Variants in PEX5L observed in about 807,000 individuals in gnomAD.
PEX5L encodes the protein peroxisomal biogenesis factor 5 like.
Under a neutral mutation model 84.0 loss-of-function variants are expected in PEX5L, and 30 were observed. That is an observed-to-expected ratio of 0.36 (90% CI 0.27 to 0.48). PEX5L has a LOEUF of 0.48. Among genes scored for constraint, PEX5L ranks in the 20% least tolerant of loss-of-function variants. The probability of loss-of-function intolerance (pLI) is 0.99; values close to 1 mark genes in which losing one functional copy is unlikely to be tolerated. For synonymous variants in PEX5L, 270 were observed against 283.1 expected, an observed-to-expected ratio of 0.95 and a Z score of 0.46; for missense variants, 533 against 754.6, an observed-to-expected ratio of 0.71 and a Z score of 3.44.
At chr3:179,998,301 T>G (rs1018887936) in intron 1 of PEX5L, among the ~76,000 whole-genome samples, 11 of 152,166 alleles carry the variant, frequency 7.2e-5, no homozygotes, top group African/African-American at 2.7e-4. Flanking sequence ...TCAGGCCCAT[T>G]GATTAAGTAA....
rs1289973114 is a variant in PEX5L, at chr3:179,796,618, GT to G, written c.*5209del. The G allele has an allele frequency of 6.6e-6, 1 of 152,022 alleles. No individual in the cohort carries two copies. The highest frequency in any genetic ancestry group is 1.5e-5 in the Non-Finnish European group (1 of 68,008). 9.4% of individuals were successfully genotyped at this position (152,022 alleles called of 1,614,324 possible). On this transcript the variant is annotated 3_prime_UTR_variant, in exon 15 of 15. Transcript: ENST00000467460. ...TTGAGTTCATGGTATGTGTGTGAGG[GT>G]ACCGGGGTATATGGAGTGAGTAACA...
chr3:179,958,744 T>C (rs143210808), intron 2 of PEX5L, among the ~76,000 whole-genome samples: 2 of 152,194 alleles, frequency 1.3e-5, no homozygotes, highest in African/African-American at 2.4e-5. Flanking sequence ...TTTAAGATAC[T>C]TAACTTGTCT....
At chr3:179,899,770 A>G (rs1760685863) in intron 2 of PEX5L, among the ~76,000 whole-genome samples, 1 of 152,190 alleles carries the variant, frequency 6.6e-6, no homozygotes, top group Admixed American at 6.5e-5. Context: ...TATAACTAGC[A>G]TTATTGAATT....
chr3:179,969,722 G>A (rs1056986081), intron 2 of PEX5L, among the ~76,000 whole-genome samples: 1 of 151,946 alleles, frequency 6.6e-6, no homozygotes, highest in Admixed American at 6.6e-5. Flanking sequence ...GTTTTGACAT[G>A]AATAACTCAG....
At chr3:179,926,400 C>T (rs1771468951) in intron 2 of PEX5L, among the ~76,000 whole-genome samples, 2 of 152,174 alleles carry the variant, frequency 1.3e-5, no homozygotes, top group Non-Finnish European at 2.9e-5. Flanking sequence ...GTTCTTGGAA[C>T]TTACTAAGGC....
chr3:180,013,456 A>C (rs1290827650), intron 1 of PEX5L, among the ~76,000 whole-genome samples: 2 of 152,174 alleles, frequency 1.3e-5, no homozygotes, highest in African/African-American at 2.4e-5. Context: ...CCAATGTTTT[A>C]ATCTTTAATT....
At position 179,798,229 on chromosome 3, in the gene PEX5L, T is replaced by A. The variant is rs1216061966; in HGVS notation, c.*3599A>T. ...AACGTAAGTGGACATTCCTACCCAG[T>A]TATGTTTCCTTACTTTTCTGTTCTA... is the stretch of plus-strand genomic sequence containing the variant. On this transcript the variant is annotated 3_prime_UTR_variant, in exon 15 of 15. Transcript: ENST00000467460. The A allele has an allele frequency of 6.6e-6, 1 of 152,208 alleles. No individual in the cohort carries two copies. Among genetic ancestry groups the A allele is most frequent in the Non-Finnish European group, 1.5e-5 (1 of 68,024 alleles). 9.4% of individuals were successfully genotyped at this position (152,208 alleles called of 1,614,324 possible). A position where few individuals can be genotyped will look rare whatever the true frequency, so the allele number is the denominator to read the frequency against.
chr3:179,943,192 A>T (rs1187219699), intron 2 of PEX5L, among the ~76,000 whole-genome samples: 1 of 152,262 alleles, frequency 6.6e-6, no homozygotes, highest in African/African-American at 2.4e-5. Flanking sequence ...CTGGATTTCA[A>T]GCAAGCATCT....
At chr3:179,908,469 TTA>T (rs765130840) in intron 2 of PEX5L, among the ~76,000 whole-genome samples, 3 of 152,220 alleles carry the variant, frequency 2.0e-5, no homozygotes, top group Admixed American at 6.5e-5. Flanking sequence ...TTATCTTTTT[TTA>T]TTTTATTATT....
At chr3:179,804,921 C>T (rs1213778472) in intron 14 of PEX5L, among the ~76,000 whole-genome samples, 1 of 152,094 alleles carries the variant, frequency 6.6e-6, no homozygotes, top group East Asian at 1.9e-4. Context: ...GAGTTTGAGA[C>T]AAGTCTGGCC....
intron 2 of PEX5L, among the ~76,000 whole-genome samples, chr3:179,932,168 A>C (rs1773293599): frequency 6.6e-6 from 1 of 152,194 alleles, no homozygotes; most frequent in Admixed American, 6.5e-5. Context: ...ATTTATATTT[A>C]CTGAGACTGG....
chr3:180,016,098 A>ACACCAC (rs56152525), intron 1 of PEX5L, among the ~76,000 whole-genome samples: 47 of 151,250 alleles, frequency 3.1e-4, no homozygotes, highest in Admixed American at 2.6e-4. Flanking sequence ...AAGTGCTGTA[A>ACACCAC]CACCACCACC....
At chr3:179,855,731 A>T (rs2108502131) in intron 8 of PEX5L, among the ~76,000 whole-genome samples, 1 of 152,266 alleles carries the variant, frequency 6.6e-6, no homozygotes, top group South Asian at 2.1e-4. Flanking sequence ...GTGCCCTTAC[A>T]CAAGAGGCCT....
intron 2 of PEX5L, among the ~76,000 whole-genome samples, chr3:179,922,853 T>A (rs1333231958): frequency 6.6e-6 from 1 of 152,206 alleles, no homozygotes; most frequent in East Asian, 1.9e-4. Context: ...AATTTAAAAA[T>A]CTTCATAATT....
At chr3:179,984,273 T>C (rs930521202) in intron 1 of PEX5L, among the ~76,000 whole-genome samples, 9 of 152,144 alleles carry the variant, frequency 5.9e-5, no homozygotes, top group African/African-American at 1.7e-4. Flanking sequence ...GCAGATATGA[T>C]AGTCTAATTT....
intron 1 of PEX5L, among the ~76,000 whole-genome samples, chr3:179,979,725 A>G (rs1026371270): frequency 3.3e-5 from 5 of 152,258 alleles, no homozygotes; most frequent in African/African-American, 1.2e-4. Context: ...TCTGAGAAAA[A>G]TAACAAATAA....
In PEX5L at chr3:180,036,613, C is replaced by A. The variant is rs576740583; in HGVS notation, c.-14G>T. The A allele has an allele frequency of 6.2e-7, 1 of 1,614,134 alleles. No homozygotes were observed. Among genetic ancestry groups the A allele is most frequent in the Admixed American group, 1.7e-5 (1 of 60,028 alleles). On this transcript the variant is annotated 5_prime_UTR_variant, in exon 1 of 15. Coordinates refer to ENST00000467460, the MANE Select transcript of PEX5L (RefSeq NM_016559.3). ...TCCCTGGTACATTCTGCTTCGGTTTCTTCAGGGCTCCCTGAGGCCACCGGA... is the reference window on the plus strand; with the variant it reads ...TCCCTGGTACATTCTGCTTCGGTTTATTCAGGGCTCCCTGAGGCCACCGGA...
chr3:179,956,604 T>C (rs1386140290), intron 2 of PEX5L, among the ~76,000 whole-genome samples: 2 of 152,208 alleles, frequency 1.3e-5, no homozygotes, highest in African/African-American at 4.8e-5. Flanking sequence ...TGTAAAAATA[T>C]TTAGTTAGTT....
chr3:179,912,779 A>AT (rs925213939), intron 2 of PEX5L, among the ~76,000 whole-genome samples: 1 of 152,094 alleles, frequency 6.6e-6, no homozygotes, highest in Non-Finnish European at 1.5e-5. Flanking sequence ...ATTCCCAATT[A>AT]TTTTTTCCAA....
Sources: gnomAD v4.1 joint callset for allele counts (sites outside exome capture counted in the v4.1 genomes callset) on GRCh38, gnomAD v4.1.1 for gene constraint, MANE v1.5 for transcripts, NCBI Gene and HGNC (gene_info 2026-07-23, HGNC 2026-07-21) for gene names.